The following GALNT1 variants were observed in gnomAD, a reference collection of about 807,000 sequenced individuals.
GALNT1 encodes polypeptide N-acetylgalactosaminyltransferase 1.
In GALNT1, 17 loss-of-function variants were observed where a neutral mutation model predicts 65.7. The ratio of observed to expected loss-of-function variants is 0.26; its 90% confidence interval spans 0.18 to 0.39. The LOEUF is 0.39. Ranked by LOEUF, GALNT1 falls within the 10% of genes least tolerant of loss-of-function variation. The probability of loss-of-function intolerance (pLI) is 1.00; values close to 1 mark genes in which losing one functional copy is unlikely to be tolerated. For missense variants in GALNT1, 460 were observed against 672.8 expected (o/e 0.68, Z 3.50); for synonymous variants, 210 against 219.7 (o/e 0.96, Z 0.39).
intron 3 of GALNT1, among the ~76,000 whole-genome samples, chr18:35,666,083 T>C (rs1047706747): frequency 6.6e-6 from 1 of 152,170 alleles, no homozygotes; most frequent in Non-Finnish European, 1.5e-5. Context: ...ACACCTGATA[T>C]GGCTGAATGT....
At chr18:35,616,470 A>G (rs2046784735) in intron 1 of GALNT1, among the ~76,000 whole-genome samples, 1 of 152,162 alleles carries the variant, frequency 6.6e-6, no homozygotes, top group Non-Finnish European at 1.5e-5. Context: ...TTTAATTTAT[A>G]TCTCTATTAA....
At chr18:35,587,389 T>A (rs1568010964) in intron 1 of GALNT1, among the ~76,000 whole-genome samples, 1 of 152,202 alleles carries the variant, frequency 6.6e-6, no homozygotes, top group Non-Finnish European at 1.5e-5. Flanking sequence ...AGCACTATGA[T>A]GAATAAGAAG....
chr18:35,699,238 C>A (rs2048115308), intron 9 of GALNT1, among the ~76,000 whole-genome samples: 1 of 152,180 alleles, frequency 6.6e-6, no homozygotes. Context: ...AATTCCCAAG[C>A]CATCCTGTCA....
At chr18:35,611,587 ATG>A (rs1324656289) in intron 1 of GALNT1, among the ~76,000 whole-genome samples, 1 of 152,230 alleles carries the variant, frequency 6.6e-6, no homozygotes, top group Non-Finnish European at 1.5e-5. Flanking sequence ...AAGGTCCAAT[ATG>A]TAATCAGACA....
chr18:35,633,342 C>T (rs1264893129), intron 1 of GALNT1, among the ~76,000 whole-genome samples: 1 of 151,322 alleles, frequency 6.6e-6, no homozygotes, highest in African/African-American at 2.5e-5. Flanking sequence ...GGCACATATA[C>T]ACCATGGAAT....
chr18:35,708,026 G>A (rs915819849), intron 11 of GALNT1, among the ~76,000 whole-genome samples: 4 of 152,158 alleles, frequency 2.6e-5, no homozygotes, highest in African/African-American at 9.7e-5. Context: ...TTTACTCTGG[G>A]ATAGGCAGCA....
chr18:35,699,342 C>G (rs759609311), intron 9 of GALNT1, among the ~76,000 whole-genome samples: 7 of 152,166 alleles, frequency 4.6e-5, no homozygotes, highest in Admixed American at 6.5e-5. Flanking sequence ...CTTCTTTTCC[C>G]ATATCAAATC....
At position 35,654,603 on chromosome 18, in the gene GALNT1, C is replaced by A; in HGVS notation, c.-60C>A. 1 of 964,008 alleles carries A rather than the reference C, an allele frequency of 1.0e-6. No individual in the cohort carries two copies. Among genetic ancestry groups the A allele is most frequent in the Non-Finnish European group, 1.4e-6 (1 of 737,682 alleles). The allele number at this position is 964,008 out of a possible 1,614,324, so 59.7% of individuals were successfully genotyped here. A position where few individuals can be genotyped will look rare whatever the true frequency, so the allele number is the denominator to read the frequency against. On this transcript the variant is annotated 5_prime_UTR_variant, in exon 2 of 12. Coordinates refer to ENST00000269195, the MANE Select transcript of GALNT1 (RefSeq NM_020474.4). ...GATGAAACTGGATTGGAATAATTTT[C>A]ATGATCTTTGTATATTTATATATAT...
At chr18:35,669,238 C>T (rs1234256802) in intron 3 of GALNT1, among the ~76,000 whole-genome samples, 6 of 151,118 alleles carry the variant, frequency 4.0e-5, no homozygotes, top group South Asian at 2.1e-4. Flanking sequence ...GAGACCATCT[C>T]GAAGAAAAAA....
intron 1 of GALNT1, among the ~76,000 whole-genome samples, chr18:35,650,374 T>G (rs1042729934): frequency 6.6e-6 from 1 of 152,142 alleles, no homozygotes; most frequent in Non-Finnish European, 1.5e-5. Flanking sequence ...CAGGGCGAGA[T>G]CACAGGATCG....
At chr18:35,690,539 C>CTCTT (rs2047944685) in intron 7 of GALNT1, among the ~76,000 whole-genome samples, 2 of 152,174 alleles carry the variant, frequency 1.3e-5, no homozygotes, top group African/African-American at 2.4e-5. Flanking sequence ...ATTTATGATT[C>CTCTT]TCTTAGGTAT....
intron 9 of GALNT1, among the ~76,000 whole-genome samples, chr18:35,694,969 A>G (rs866046399): frequency 6.6e-6 from 1 of 152,190 alleles, no homozygotes; most frequent in Admixed American, 6.5e-5. Context: ...TAGAATAGTC[A>G]AACTCATAGA....
chr18:35,612,270 G>A (rs2046727163), intron 1 of GALNT1, among the ~76,000 whole-genome samples: 1 of 152,094 alleles, frequency 6.6e-6, no homozygotes, highest in South Asian at 2.1e-4. Flanking sequence ...GTTAAAAATA[G>A]GGTACATCTC....
At chr18:35,634,696 T>C (rs1369375351) in intron 1 of GALNT1, among the ~76,000 whole-genome samples, 2 of 152,324 alleles carry the variant, frequency 1.3e-5, no homozygotes, top group East Asian at 3.9e-4. Flanking sequence ...CATACCAAAA[T>C]TCCAGATTCC....
chr18:35,614,491 A>G (rs1272185324), intron 1 of GALNT1, among the ~76,000 whole-genome samples: 4 of 152,188 alleles, frequency 2.6e-5, no homozygotes, highest in Admixed American at 2.6e-4. Flanking sequence ...CAAACATAGT[A>G]TTTGATAGAG....
intron 1 of GALNT1, among the ~76,000 whole-genome samples, chr18:35,606,153 C>G (rs1417782139): frequency 2.6e-5 from 4 of 152,118 alleles, no homozygotes; most frequent in African/African-American, 9.7e-5. Context: ...TTGATTGTTG[C>G]CAGCACCATT....
At chr18:35,607,580 A>G (rs1274618331) in intron 1 of GALNT1, among the ~76,000 whole-genome samples, 1 of 152,048 alleles carries the variant, frequency 6.6e-6, no homozygotes, top group Admixed American at 6.6e-5. Flanking sequence ...TATACAGCTC[A>G]TGTATGAGGC....
chr18:35,611,575 T>G (rs2046717805), intron 1 of GALNT1, among the ~76,000 whole-genome samples: 1 of 152,190 alleles, frequency 6.6e-6, no homozygotes, highest in South Asian at 2.1e-4. Context: ...TAAAATTCAA[T>G]CAAGGTCCAA....
rs1290299382 is a variant in GALNT1, at chr18:35,691,047, A to G, written c.1014A>G (p.Thr338=). Residue 338 remains threonine (T), a synonymous_variant, in exon 8 of 12, where the codon ACA becomes ACG. Transcript: ENST00000269195. ...WQCGGTLEIV[T]CSHVGHVFRK... ...GTGGAGGAACTTTGGAAATTGTTAC[A>G]TGCTCACATGTTGGACATGTGTTTC... is the stretch of plus-strand genomic sequence containing the variant. The G allele has an allele frequency of 5.6e-6, 9 of 1,607,950 alleles. No homozygotes were observed. The highest frequency in any genetic ancestry group is 1.3e-5 in the African/African-American group (1 of 74,576).
Sources: allele counts gnomAD v4.1 joint callset (sites outside exome capture counted in the v4.1 genomes callset), GRCh38; gene constraint gnomAD v4.1.1; transcripts MANE v1.5; gene names NCBI Gene and HGNC (gene_info 2026-07-23, HGNC 2026-07-21).